Variants in LRP2 observed in about 807,000 individuals in gnomAD.
LRP2 encodes the protein LDL receptor related protein 2, also known as low-density lipoprotein receptor-related protein 2.
Under a neutral mutation model 531.0 loss-of-function variants are expected in LRP2, and 172 were observed. The ratio of observed to expected loss-of-function variants is 0.32; its 90% CI spans 0.29 to 0.37. The LOEUF is 0.37. Among genes scored for constraint, LRP2 ranks in the 10% least tolerant of loss-of-function variants. The pLI is 1.00. For missense variants in LRP2, 5,167 were observed against 5,868.3 expected (o/e 0.88, Z 3.90); for synonymous variants, 1,992 against 2,027.6 (o/e 0.98, Z 0.47).
chr2:169,158,061 T>TACACAC (rs61381788), intron 63 of LRP2, among the ~76,000 whole-genome samples: 18,636 of 141,228 alleles, frequency 0.13, 1,305 homozygotes, highest in Non-Finnish European at 0.16. Flanking sequence ...ATTGATTATA[T>TACACAC]ACACACACAC....
At chr2:169,325,668 A>G (rs1044241618) in intron 1 of LRP2, among the ~76,000 whole-genome samples, 1 of 152,258 alleles carries the variant, frequency 6.6e-6, no homozygotes, top group African/African-American at 2.4e-5. Flanking sequence ...TTGATAGAAT[A>G]GTCAAGGATT....
At chr2:169,344,735 G>T (rs1477839448) in intron 1 of LRP2, among the ~76,000 whole-genome samples, 1 of 152,138 alleles carries the variant, frequency 6.6e-6, no homozygotes, top group African/African-American at 2.4e-5. Context: ...TTATCCTAGA[G>T]TGTGTTTCAG....
intron 64 of LRP2, among the ~76,000 whole-genome samples, chr2:169,156,810 A>G (rs1326759766): frequency 6.6e-6 from 1 of 152,176 alleles, no homozygotes; most frequent in Non-Finnish European, 1.5e-5. Flanking sequence ...TTAGTTTTTC[A>G]ATTGAGTTCT....
At chr2:169,162,365 G>T in intron 63 of LRP2, 107 bp downstream of exon 63, 1 of 1,331,048 alleles carries the variant, frequency 7.5e-7, no homozygotes, top group Non-Finnish European at 1.1e-6. Flanking sequence ...CAAGCAAAAA[G>T]TACATTAAGG....
rs76719368 is a variant in LRP2, at chr2:169,186,746, T to C, written c.9329-727A>G. 3.0e-3 allele frequency among the ~76,000 whole-genome samples: 455 copies of C among 152,304 alleles called. 3 individuals carry two copies. The highest frequency in any genetic ancestry group is 0.011 in the African/African-American group (437 of 41,560). The stretch of plus-strand genomic sequence containing the variant: ...AGAAGATCACTAGTACTCCTTCCAG[T>C]TGTAAGAGTGAATGTTTCATAGGTT... On this transcript the variant is annotated intron_variant, in intron 49 of 78. Transcript: ENST00000649046.
chr2:169,205,694 A>G (rs2105331616), intron 40 of LRP2, 57 bp from the exon 41 acceptor site: 5 of 1,466,062 alleles, frequency 3.4e-6, no homozygotes, highest in Non-Finnish European at 4.7e-6. Context: ...AGTCCTTTAA[A>G]AAAAAAAAAA....
chr2:169,355,084 C>T (rs1287774290), intron 1 of LRP2, among the ~76,000 whole-genome samples: 2 of 152,190 alleles, frequency 1.3e-5, no homozygotes, highest in Admixed American at 1.3e-4. Flanking sequence ...GCTCATTTTC[C>T]AGAACTTTCC....
chr2:169,280,092 T>C (rs548167733), intron 11 of LRP2, among the ~76,000 whole-genome samples: 4 of 152,372 alleles, frequency 2.6e-5, no homozygotes, highest in East Asian at 3.9e-4. Context: ...ATGTCTACTA[T>C]TTCTTTTAAT....
intron 60 of LRP2, 92 bp from the exon 61 acceptor site, chr2:169,168,768 T>A: frequency 3.7e-6 from 5 of 1,350,118 alleles, no homozygotes; most frequent in Non-Finnish European, 5.3e-6. Context: ...CTCTTGCCAT[T>A]ATAGCCTGCT....
In LRP2 at chr2:169,265,489, G is replaced by A. The variant is rs1478176642; in HGVS notation, c.2320+5415C>T. On this transcript the variant is annotated intron_variant, in intron 16 of 78. Transcript: ENST00000649046. ...AAATCAAAAGGAAAAGGAATCCAGA[G>A]AAAATGGAAACAGAGGAAGATTAAT... Among the ~76,000 whole-genome samples, 3 of 152,028 alleles carry A rather than the reference G, an allele frequency of 2.0e-5. No homozygotes were observed. The East Asian group carries it at 5.8e-4, about 29-fold the overall frequency.
intron 38 of LRP2, among the ~76,000 whole-genome samples, chr2:169,207,883 A>T (rs930685040): frequency 2.0e-5 from 3 of 152,208 alleles, no homozygotes; most frequent in Non-Finnish European, 4.4e-5. Flanking sequence ...ATGACCACAA[A>T]TTATTGATTT....
intron 69 of LRP2, 51 bp downstream of exon 69, chr2:169,146,688 G>T (rs1260476563): frequency 1.4e-6 from 2 of 1,432,102 alleles, no homozygotes; most frequent in South Asian, 1.2e-5. Context: ...AAAGACATTA[G>T]AAATATGTTA....
intron 4 of LRP2, among the ~76,000 whole-genome samples, chr2:169,304,101 A>G (rs964433612): frequency 1.3e-5 from 2 of 152,202 alleles, no homozygotes; most frequent in Non-Finnish European, 2.9e-5. Flanking sequence ...GGCTGCAAAC[A>G]TTCTGTTTCA....
intron 16 of LRP2, among the ~76,000 whole-genome samples, chr2:169,262,212 C>A (rs1690586597): frequency 1.4e-5 from 2 of 146,264 alleles, no homozygotes; most frequent in African/African-American, 5.0e-5. Flanking sequence ...TCTCACCACT[C>A]CTATTCAACA....
intron 1 of LRP2, among the ~76,000 whole-genome samples, chr2:169,356,896 A>C (rs1686003268): frequency 1.3e-5 from 2 of 152,198 alleles, no homozygotes; most frequent in African/African-American, 4.8e-5. Context: ...ACTGCAGTCC[A>C]TTTTAATTGC....
At position 169,338,377 on chromosome 2, in the gene LRP2, A is replaced by AAAGAAAGG. The variant is rs947676425; in HGVS notation, c.80-17494_80-17493insCCTTTCTT. Among the ~76,000 whole-genome samples, 84 of 124,818 alleles carry AAAGAAAGG rather than the reference A, an allele frequency of 6.7e-4. 1 individual carries two copies. In the East Asian group the frequency reaches 0.022, roughly 32 times the overall value. 81.9% of individuals were successfully genotyped at this position (124,818 alleles called of 152,430 possible). A position where few individuals can be genotyped will look rare whatever the true frequency, so the allele number is the denominator to read the frequency against. On this transcript the variant is annotated intron_variant, in intron 1 of 78. Transcript: ENST00000649046. ...GAAAGAAGGAAAGAAAGAAAGAAAG[A>AAAGAAAGG]AAGAAAGAAAGAAAGAAAGAAAGAA...
At chr2:169,171,271 AC>A (rs1686996427) in intron 58 of LRP2, among the ~76,000 whole-genome samples, 1 of 152,146 alleles carries the variant, frequency 6.6e-6, no homozygotes, top group Non-Finnish European at 1.5e-5. Flanking sequence ...CAAAAGGTAA[AC>A]AAAGTTAGAA....
In LRP2 at chr2:169,275,494, C is replaced by CT. The variant is rs1683528699; in HGVS notation, c.1773-257dup. 15 of 480,282 alleles carry CT rather than the reference C, an allele frequency of 3.1e-5. No homozygotes were observed. The East Asian group carries it at 6.1e-4, about 19-fold the overall frequency. The allele number at this position is 480,282 out of a possible 1,614,324, so 29.8% of individuals were successfully genotyped here. ...AGTCAATCCTTTAGCTTGTCCTAGA[C>CT]TTTTTTGGAATTTACTGTTTCCCCT... On this transcript the variant is annotated intron_variant, in intron 13 of 78. Coordinates refer to ENST00000649046, the MANE Select transcript of LRP2 (RefSeq NM_004525.3).
intron 33 of LRP2, among the ~76,000 whole-genome samples, chr2:169,223,770 C>T (rs1689101676): frequency 6.6e-6 from 1 of 152,126 alleles, no homozygotes; most frequent in Admixed American, 6.6e-5. Flanking sequence ...CCAAGGGGCC[C>T]TTCATGTTAA....
Sources: gnomAD v4.1 joint callset for allele counts (sites outside exome capture counted in the v4.1 genomes callset) on GRCh38, gnomAD v4.1.1 for gene constraint, MANE v1.5 for transcripts, NCBI Gene and HGNC (gene_info 2026-07-23, HGNC 2026-07-21) for gene names.